Variants in PCDHGB6 observed in about 807,000 individuals in gnomAD.
The protein encoded by PCDHGB6 is protocadherin gamma-B6.
A neutral mutation model predicts 59.1 loss-of-function variants in PCDHGB6; 51 were observed. The observed-to-expected ratio is 0.86, with a 90% CI of 0.69 to 1.09. PCDHGB6 has a LOEUF of 1.09. Ranked by LOEUF, PCDHGB6 falls within the 50% of genes least tolerant of loss-of-function variation. The pLI is 0.00. For missense variants in PCDHGB6, 1,148 were observed against 1,205.1 expected, an observed-to-expected ratio of 0.95 and a Z score of 0.70; for synonymous variants, 466 against 495.1, an observed-to-expected ratio of 0.94 and a Z score of 0.78.
At position 141,476,455 on chromosome 5, in the gene PCDHGB6, G is replaced by A. The variant is rs572682842; in HGVS notation, c.2419-18352G>A. The A allele has an allele frequency of 1.2e-6, 2 of 1,614,034 alleles. No individual in the cohort carries two copies. The highest frequency in any genetic ancestry group is 2.2e-5 in the South Asian group (2 of 91,084). ...CTGTAACTCTGGAGTTGGTAGTGGA[G>A]AACCCGCTGGAGCTGTTCAGCGTGG... On this transcript the variant is annotated intron_variant, in intron 1 of 3. Coordinates refer to ENST00000520790, the MANE Select transcript of PCDHGB6 (RefSeq NM_018926.3). This position sits in a 1 kb window ranked among gnomAD's most constrained non-coding sequence, Gnocchi z 7.6.
At chr5:141,433,363 CTA>C (rs2097590674) in intron 1 of PCDHGB6, 2 of 463,314 alleles carry the variant, frequency 4.3e-6, no homozygotes, top group African/African-American at 5.6e-5. Flanking sequence ...GTCTGCCTAT[CTA>C]TCTATCTATC....
intron 1 of PCDHGB6, among the ~76,000 whole-genome samples, chr5:141,463,460 T>TTTC (rs1554144872): frequency 7.4e-6 from 1 of 136,038 alleles, no homozygotes; most frequent in South Asian, 2.5e-4. Context: ...TTTTTTTTTT[T>TTTC]TTTTTTGAGA....
rs779390477 is a variant in PCDHGB6 at position 141,419,000 on chromosome 5, G to A, written c.2418+8380G>A. ...GGACCAAGACTCAGGGGAAAATGGG[G>A]AAGTCAGGTGTAGCTTAAGTAGAGG... On this transcript the variant is annotated intron_variant, in intron 1 of 3. Transcript: ENST00000520790. 3.1e-6 allele frequency: 5 copies of A among 1,613,962 alleles called. 1 individual carries two copies. In the South Asian group the frequency reaches 4.4e-5, roughly 14 times the overall value.
Position 141,408,161 on chromosome 5 carries a change from C to T in PCDHGB6, c.-42C>T. 3 of 1,517,698 alleles carry T rather than the reference C, an allele frequency of 2.0e-6. No homozygotes were observed. Among genetic ancestry groups the T allele is most frequent in the Non-Finnish European group, 2.7e-6 (3 of 1,130,186 alleles). The allele number at this position is 1,517,698 out of a possible 1,614,324, so 94.0% of individuals were successfully genotyped here. ...TTTAGCGCGGTAGAGTGCACTTTCTCCAACTGGAAAAGCGGGGACCCAGCG... is the reference window on the plus strand; with the variant it reads ...TTTAGCGCGGTAGAGTGCACTTTCTTCAACTGGAAAAGCGGGGACCCAGCG... On this transcript the variant is annotated 5_prime_UTR_variant, in exon 1 of 4. Coordinates refer to ENST00000520790, the MANE Select transcript of PCDHGB6 (RefSeq NM_018926.3).
In PCDHGB6 at chr5:141,476,584, C is replaced by A; in HGVS notation, c.2419-18223C>A. ...TGGCTCCGGGGACGCGCTTTCCGCTCGAGAGCGCGCACGATCCCGATGTGG... is the reference window on the plus strand; with the variant it reads ...TGGCTCCGGGGACGCGCTTTCCGCTAGAGAGCGCGCACGATCCCGATGTGG... On this transcript the variant is annotated intron_variant, in intron 1 of 3. Coordinates refer to ENST00000520790, the MANE Select transcript of PCDHGB6 (RefSeq NM_018926.3). This position sits in a 1 kb window ranked among gnomAD's most constrained non-coding sequence, Gnocchi z 7.6. The A allele has an allele frequency of 6.2e-7, 1 of 1,614,216 alleles. No homozygotes were observed. The highest frequency in any genetic ancestry group is 8.5e-7 in the Non-Finnish European group (1 of 1,180,042).
chr5:141,482,546 A>C (rs1489817593), intron 1 of PCDHGB6, among the ~76,000 whole-genome samples: 1 of 151,868 alleles, frequency 6.6e-6, no homozygotes, highest in African/African-American at 2.4e-5. Context: ...AAAAAAAAAA[A>C]AAAGATAATG....
chr5:141,415,815 A>G, intron 1 of PCDHGB6: 1 of 1,337,656 alleles, frequency 7.5e-7, no homozygotes, highest in East Asian at 2.7e-5. Context: ...AGGCCTATAT[A>G]TCATAAGGCT....
Position 141,432,201 on chromosome 5 carries a change from G to T in PCDHGB6, c.2418+21581G>T, listed in dbSNP as rs761075658. On this transcript the variant is annotated intron_variant, in intron 1 of 3. Transcript: ENST00000520790. This position sits in a 1 kb window ranked among gnomAD's most constrained non-coding sequence, Gnocchi z 6.0. ...TCTGTGACCGCCCACGACCCCGACT[G>T]TGAAGAGAACGCCCAGATCACTTAT... 1.8e-5 allele frequency: 29 copies of T among 1,614,092 alleles called. No homozygotes were observed. The South Asian group carries it at 2.9e-4, about 16-fold the overall frequency.
chr5:141,490,730 A>C lies in PCDHGB6; in HGVS notation c.2419-4077A>C. On this transcript the variant is annotated intron_variant, in intron 1 of 3. Coordinates refer to ENST00000520790, the MANE Select transcript of PCDHGB6 (RefSeq NM_018926.3). This position sits in a 1 kb window ranked among gnomAD's most constrained non-coding sequence, Gnocchi z 5.4. ...CTCACCTACTCCATTGTAGGAAATC[A>C]GGTTCAGGGAGCCCCAGCCTCCTCC... 6.2e-7 allele frequency: 1 copy of C among 1,614,188 alleles called. No homozygotes were observed. Among genetic ancestry groups the C allele is most frequent in the Non-Finnish European group, 8.5e-7 (1 of 1,180,024 alleles).
In PCDHGB6 at chr5:141,409,530, C is replaced by G; in HGVS notation, c.1328C>G (p.Ala443Gly). The G allele has an allele frequency of 6.2e-7, 1 of 1,613,994 alleles. No individual in the cohort carries two copies. ...AGTAGAAGCATCACCTTGTATGTCG[C>G]TGACATCAACGACAACGCCCCAGTT... is the stretch of plus-strand genomic sequence containing the variant. ...SSSRSITLYV[A>G]DINDNAPVFD... The change falls in exon 1 of 4, where the codon GCT (alanine) becomes GGT (glycine). Residue 443 changes from alanine to glycine, a missense_variant. Transcript: ENST00000520790.
intron 1 of PCDHGB6, among the ~76,000 whole-genome samples, chr5:141,436,521 C>T (rs2097829891): frequency 6.6e-6 from 1 of 152,086 alleles, no homozygotes; most frequent in African/African-American, 2.4e-5. Flanking sequence ...AACTGTGTCA[C>T]CTTTAGCAAG....
chr5:141,430,383 G>GAA (rs139772145), intron 1 of PCDHGB6, among the ~76,000 whole-genome samples: 39 of 138,602 alleles, frequency 2.8e-4, no homozygotes, highest in African/African-American at 7.9e-4. Context: ...AGCTCATTGG[G>GAA]AAAAAAAAAA....
At chr5:141,423,357 C>G in intron 1 of PCDHGB6, 1 of 1,614,214 alleles carries the variant, frequency 6.2e-7, no homozygotes. Context: ...TCTTTGTCAT[C>G]GTGCTGCTGG....
chr5:141,457,466 A>C (rs1404739941), intron 1 of PCDHGB6, among the ~76,000 whole-genome samples: 1 of 152,356 alleles, frequency 6.6e-6, no homozygotes, highest in East Asian at 1.9e-4. Context: ...ATTCACAGGA[A>C]TAAGCAGGGC....
chr5:141,447,018 G>GT (rs1329161304), intron 1 of PCDHGB6, among the ~76,000 whole-genome samples: 6 of 142,194 alleles, frequency 4.2e-5, no homozygotes, highest in African/African-American at 1.6e-4. Context: ...GTTCAGTTTT[G>GT]TTTTGTTTTT....
chr5:141,422,790 C>G, intron 1 of PCDHGB6: 1 of 1,614,060 alleles, frequency 6.2e-7, no homozygotes, highest in South Asian at 1.1e-5. Context: ...TACAATCCTT[C>G]GACTATGAGC....
chr5:141,511,598 A>C lies in PCDHGB6; in HGVS notation c.*425A>C. ...GGTTGGGGTGTTGAAGTACCAAGTA[A>C]CCTACAAGCCTCCTAGTTCTGAAAA... On this transcript the variant is annotated 3_prime_UTR_variant, in exon 4 of 4. Transcript: ENST00000520790. 3.9e-6 allele frequency: 1 copy of C among 255,742 alleles called. No individual in the cohort carries two copies. The highest frequency in any genetic ancestry group is 7.8e-6 in the Non-Finnish European group (1 of 127,952). The allele number at this position is 255,742 out of a possible 1,614,324, so 15.8% of individuals were successfully genotyped here.
chr5:141,448,135 TA>T (rs2098567569), intron 1 of PCDHGB6, among the ~76,000 whole-genome samples: 1 of 151,880 alleles, frequency 6.6e-6, no homozygotes, highest in South Asian at 2.1e-4. Flanking sequence ...CCACCCTCAC[TA>T]TACCTCAGAC....
In PCDHGB6 at chr5:141,489,335, G is replaced by A. The variant is rs138015049; in HGVS notation, c.2419-5472G>A. The A allele has an allele frequency of 8.2e-5, 132 of 1,607,244 alleles. No individual in the cohort carries two copies. The African/African-American group carries it at 1.5e-3, about 18-fold the overall frequency. On this transcript the variant is annotated intron_variant, in intron 1 of 3. Transcript: ENST00000520790. This position sits in a 1 kb window ranked among gnomAD's most constrained non-coding sequence, Gnocchi z 4.5. ...TGGGGCTGGGTGTCTGGGCAGCTTC[G>A]TTACTCAGTGGTGGAGGAGTCTGAG...
Sources: gnomAD v4.1 joint callset for allele counts (sites outside exome capture counted in the v4.1 genomes callset) on GRCh38, gnomAD v4.1.1 for gene constraint, Gnocchi (gnomAD v3.1) non-coding constraint, MANE v1.5 for transcripts, NCBI Gene and HGNC (gene_info 2026-07-23, HGNC 2026-07-21) for gene names.